Variants in MEMO1 observed in about 807,000 individuals in gnomAD.
MEMO1 encodes the protein protein MEMO1.
A neutral mutation model predicts 45.2 loss-of-function variants in MEMO1; 6 were observed. That is an observed-to-expected ratio of 0.13 (90% CI 0.07 to 0.26). The LOEUF (loss-of-function observed/expected upper bound fraction) is 0.26, where lower values mean the gene tolerates loss of function less well. Ranked by LOEUF, MEMO1 falls within the 10% of genes least tolerant of loss-of-function variation. The pLI is 1.00. For missense variants in MEMO1, 184 were observed against 370.5 expected, an observed-to-expected ratio of 0.50 and a Z score of 4.13; for synonymous variants, 78 against 124.3, an observed-to-expected ratio of 0.63 and a Z score of 2.48.
chr2:31,916,197 T>C (rs1681412613), intron 6 of MEMO1, among the ~76,000 whole-genome samples: 2 of 152,194 alleles, frequency 1.3e-5, no homozygotes, highest in South Asian at 4.1e-4. Flanking sequence ...CTTGAGGATA[T>C]TGTTGTCAGT....
At chr2:32,003,513 A>G (rs1162634870) in intron 2 of MEMO1, among the ~76,000 whole-genome samples, 1 of 152,238 alleles carries the variant, frequency 6.6e-6, no homozygotes, top group Non-Finnish European at 1.5e-5. Flanking sequence ...CTTGATTTGT[A>G]TACTTTTTCA....
At chr2:31,928,809 T>C (rs1313283991) in intron 4 of MEMO1, among the ~76,000 whole-genome samples, 2 of 152,166 alleles carry the variant, frequency 1.3e-5, no homozygotes, top group Admixed American at 6.5e-5. Flanking sequence ...TTTTTCCCAA[T>C]TTTACACAAT....
At chr2:31,987,745 C>A (rs1671444004) in intron 2 of MEMO1, among the ~76,000 whole-genome samples, 1 of 152,186 alleles carries the variant, frequency 6.6e-6, no homozygotes, top group East Asian at 1.9e-4. Flanking sequence ...CTATTCTGAG[C>A]AATCTAGTTT....
intron 3 of MEMO1, among the ~76,000 whole-genome samples, chr2:31,938,088 A>C (rs1272125670): frequency 6.6e-6 from 1 of 152,158 alleles, no homozygotes; most frequent in African/African-American, 2.4e-5. Flanking sequence ...TAATCAAATT[A>C]ATTTCTTTTA....
At chr2:31,929,309 C>T (rs529167775) in intron 4 of MEMO1, among the ~76,000 whole-genome samples, 2 of 151,320 alleles carry the variant, frequency 1.3e-5, no homozygotes, top group East Asian at 3.9e-4. Flanking sequence ...TGATATTATC[C>T]TTTGTCTTTT....
intron 2 of MEMO1, among the ~76,000 whole-genome samples, chr2:31,979,069 G>T (rs34316760): frequency 0.12 from 18,732 of 152,186 alleles, 1,251 homozygotes; most frequent in Middle Eastern, 0.2. Context: ...GGTCCACATG[G>T]CTGGGGAGGT....
chr2:31,917,399 T>G (rs1225379334), intron 6 of MEMO1, among the ~76,000 whole-genome samples: 1 of 152,094 alleles, frequency 6.6e-6, no homozygotes, highest in African/African-American at 2.4e-5. Flanking sequence ...GAGAACAAAA[T>G]AGATATTGTC....
chr2:31,921,097 G>C (rs574251922), intron 4 of MEMO1, among the ~76,000 whole-genome samples, 187 bp from the exon 5 acceptor site: 1 of 152,258 alleles, frequency 6.6e-6, no homozygotes, highest in South Asian at 2.1e-4. Flanking sequence ...AGCACAGACT[G>C]TAGTGCTATT....
chr2:31,968,487 C>A (rs1269021700), intron 2 of MEMO1, among the ~76,000 whole-genome samples: 1 of 152,176 alleles, frequency 6.6e-6, no homozygotes, highest in Non-Finnish European at 1.5e-5. Context: ...GAGTAGATTT[C>A]TAGTATTATG....
At chr2:31,953,178 C>T (rs968916824) in intron 2 of MEMO1, among the ~76,000 whole-genome samples, 2 of 151,866 alleles carry the variant, frequency 1.3e-5, no homozygotes, top group Non-Finnish European at 2.9e-5. Flanking sequence ...ACCAACCTGG[C>T]CAACATGGTG....
intron 2 of MEMO1, among the ~76,000 whole-genome samples, chr2:31,953,128 G>A (rs1238086308): frequency 6.6e-6 from 1 of 151,938 alleles, no homozygotes; most frequent in Non-Finnish European, 1.5e-5. Context: ...CAGCACTTTG[G>A]GAGGCCAAAG....
chr2:32,005,318 CAAAA>C (rs1305881226), intron 2 of MEMO1, among the ~76,000 whole-genome samples: 2 of 57,322 alleles, frequency 3.5e-5, no homozygotes, highest in Non-Finnish European at 3.5e-5. Flanking sequence ...ACTCTGTCAC[CAAAA>C]AAAAAAAAAA....
intron 3 of MEMO1, among the ~76,000 whole-genome samples, chr2:31,937,381 T>C (rs907635974): frequency 6.6e-6 from 1 of 152,192 alleles, no homozygotes; most frequent in African/African-American, 2.4e-5. Context: ...TGTACTGTCA[T>C]ATAGGATTTG....
intron 4 of MEMO1, among the ~76,000 whole-genome samples, chr2:31,931,550 GTTTT>G (rs35473423): frequency 5.4e-5 from 8 of 148,162 alleles, no homozygotes; most frequent in African/African-American, 2.0e-4. Flanking sequence ...TTCCCAGGAA[GTTTT>G]TTTTTTTCTA....
At chr2:31,892,852 T>C (rs931726100) in intron 6 of MEMO1, among the ~76,000 whole-genome samples, 2 of 152,168 alleles carry the variant, frequency 1.3e-5, no homozygotes, top group African/African-American at 4.8e-5. Context: ...GACAGATTTA[T>C]GGAAAAGAAA....
chr2:31,932,234 C>T, intron 3 of MEMO1, 99 bp from the exon 4 acceptor site: 1 of 936,694 alleles, frequency 1.1e-6, no homozygotes, highest in South Asian at 1.6e-5. Context: ...ATGGTAAACA[C>T]AACAGAATTG....
chr2:31,912,513 C>CAAAAAA (rs752295550), intron 6 of MEMO1, among the ~76,000 whole-genome samples: 1 of 60,532 alleles, frequency 1.7e-5, no homozygotes, highest in East Asian at 6.1e-4. Flanking sequence ...AACTCTGTCT[C>CAAAAAA]AAAAAAAAAA....
At chr2:31,939,297 CATTTATT>C (rs143659191) in intron 3 of MEMO1, among the ~76,000 whole-genome samples, 13 of 152,088 alleles carry the variant, frequency 8.5e-5, no homozygotes, top group African/African-American at 2.4e-4. Context: ...TTTATTATAA[CATTTATT>C]ATACGTTATA....
intron 4 of MEMO1, among the ~76,000 whole-genome samples, chr2:31,925,477 A>AAAAAAG (rs1682957477): frequency 1.1e-5 from 1 of 87,836 alleles, no homozygotes; most frequent in South Asian, 6.7e-4. Context: ...CTCCGTCTCA[A>AAAAAAG]AAAAAAAAAA....
Sources: allele counts gnomAD v4.1 joint callset (sites outside exome capture counted in the v4.1 genomes callset), GRCh38; gene constraint gnomAD v4.1.1; transcripts MANE v1.5; gene names NCBI Gene and HGNC (gene_info 2026-07-23, HGNC 2026-07-21).